Variants in PIP4K2A observed in about 807,000 individuals in gnomAD.
PIP4K2A encodes the protein phosphatidylinositol 5-phosphate 4-kinase type-2 alpha.
Under a neutral mutation model 42.9 loss-of-function variants are expected in PIP4K2A, and 14 were observed. The observed-to-expected ratio is 0.33, with a 90% CI of 0.22 to 0.51. PIP4K2A has a LOEUF of 0.51. PIP4K2A is among the 20% of genes least tolerant of loss of function. The pLI, the probability that PIP4K2A is intolerant of heterozygous loss-of-function variation, is 0.97. For synonymous variants in PIP4K2A, 192 were observed against 192.2 expected (o/e 1.00, Z 0.01); for missense variants, 434 against 519.8 (o/e 0.83, Z 1.61).
intron 1 of PIP4K2A, among the ~76,000 whole-genome samples, chr10:22,623,408 G>A (rs909324821): frequency 6.6e-6 from 1 of 152,164 alleles, no homozygotes; most frequent in Non-Finnish European, 1.5e-5. Context: ...CAGCTCTAAG[G>A]CAAGGGTCGC....
chr10:22,548,168 T>A (rs574450189), intron 7 of PIP4K2A, among the ~76,000 whole-genome samples: 99 of 152,342 alleles, frequency 6.5e-4, no homozygotes, highest in Non-Finnish European at 1.2e-3. Context: ...GCTTAAAAAT[T>A]TAATGATGGT....
chr10:22,594,241 C>G (rs189571571), intron 3 of PIP4K2A, among the ~76,000 whole-genome samples: 2 of 152,118 alleles, frequency 1.3e-5, no homozygotes, highest in African/African-American at 4.8e-5. Context: ...ACAGACTTAC[C>G]GGCACTCATG....
At chr10:22,570,201 C>T (rs1836951642) in intron 5 of PIP4K2A, among the ~76,000 whole-genome samples, 1 of 152,270 alleles carries the variant, frequency 6.6e-6, no homozygotes, top group Non-Finnish European at 1.5e-5. Context: ...ACGCTGGACA[C>T]AATACATATG....
At chr10:22,602,417 AG>A (rs1837808209) in intron 3 of PIP4K2A, among the ~76,000 whole-genome samples, 1 of 151,170 alleles carries the variant, frequency 6.6e-6, no homozygotes, top group African/African-American at 2.5e-5. Context: ...AGAAAAGAAA[AG>A]AAAAGAAAGA....
At chr10:22,561,999 C>T (rs1427914769) in intron 6 of PIP4K2A, among the ~76,000 whole-genome samples, 1 of 152,090 alleles carries the variant, frequency 6.6e-6, no homozygotes, top group Non-Finnish European at 1.5e-5. Flanking sequence ...TGTTTTTAGC[C>T]TTCCCCAAAT....
intron 1 of PIP4K2A, 23 bp downstream of exon 1, chr10:22,714,160 G>C (rs895068306): frequency 2.5e-6 from 4 of 1,591,802 alleles, no homozygotes; most frequent in Non-Finnish European, 3.4e-6. Context: ...GAAGGGGACC[G>C]CGCGCCGCAG....
At chr10:22,608,072 T>C in intron 2 of PIP4K2A, 49 bp from the exon 3 acceptor site, 1 of 1,223,316 alleles carries the variant, frequency 8.2e-7, no homozygotes, top group Non-Finnish European at 1.2e-6. Context: ...TCAATCAGAC[T>C]TGCATCTGCC....
chr10:22,609,854 C>G (rs999311362), intron 1 of PIP4K2A, 137 bp from the exon 2 acceptor site: 8 of 587,438 alleles, frequency 1.4e-5, no homozygotes, highest in South Asian at 2.1e-5. Flanking sequence ...CCCTCCTTCC[C>G]TCTGCCATCA....
intron 1 of PIP4K2A, among the ~76,000 whole-genome samples, chr10:22,692,560 T>C (rs1839894504): frequency 6.6e-6 from 1 of 152,202 alleles, no homozygotes; most frequent in Non-Finnish European, 1.5e-5. Flanking sequence ...GCAGCTAGAT[T>C]CTTCTGTGAA....
intron 3 of PIP4K2A, among the ~76,000 whole-genome samples, chr10:22,601,926 C>T (rs1450471265): frequency 6.6e-6 from 1 of 152,198 alleles, no homozygotes; most frequent in Non-Finnish European, 1.5e-5. Flanking sequence ...GGCTCTTGTC[C>T]TTTGCCACTG....
At chr10:22,586,470 T>C (rs548037063) in intron 4 of PIP4K2A, among the ~76,000 whole-genome samples, 1 of 152,324 alleles carries the variant, frequency 6.6e-6, no homozygotes, top group East Asian at 1.9e-4. Context: ...CACTGAGGTG[T>C]AGGAAATTAA....
intron 6 of PIP4K2A, among the ~76,000 whole-genome samples, chr10:22,559,196 GATC>G (rs1207282592): frequency 1.3e-5 from 2 of 152,196 alleles, no homozygotes; most frequent in Non-Finnish European, 2.9e-5. Flanking sequence ...CCATGTTAAA[GATC>G]ATTATTTAAT....
At chr10:22,582,448 T>C (rs1165794366) in intron 4 of PIP4K2A, among the ~76,000 whole-genome samples, 1 of 152,190 alleles carries the variant, frequency 6.6e-6, no homozygotes, top group African/African-American at 2.4e-5. Flanking sequence ...AATAGATAAA[T>C]ATTTATATCT....
intron 1 of PIP4K2A, among the ~76,000 whole-genome samples, chr10:22,691,037 G>C (rs928562496): frequency 1.3e-5 from 2 of 152,212 alleles, no homozygotes; most frequent in African/African-American, 4.8e-5. Context: ...GACAGAAGAG[G>C]TGGTGGTGTC....
intron 6 of PIP4K2A, among the ~76,000 whole-genome samples, chr10:22,566,714 T>C (rs1419884991): frequency 5.9e-5 from 9 of 152,282 alleles, no homozygotes; most frequent in African/African-American, 1.7e-4. Context: ...CTGCCGCTCT[T>C]CCTCTGACTA....
At chr10:22,540,108 TGTGACAACA>T (rs1189625272) in intron 8 of PIP4K2A, 34 bp from the exon 9 acceptor site, 1 of 1,045,534 alleles carries the variant, frequency 9.6e-7, no homozygotes, top group Non-Finnish European at 1.5e-6. Flanking sequence ...CTGTGGGACA[TGTGACAACA>T]CCAGTGCCAG....
At chr10:22,697,718 T>C (rs139309597) in intron 1 of PIP4K2A, among the ~76,000 whole-genome samples, 132 of 152,076 alleles carry the variant, frequency 8.7e-4, no homozygotes, top group Non-Finnish European at 1.6e-3. Context: ...AGGGCAAAAC[T>C]GCATCTCGGA....
At chr10:22,627,591 T>TAAATAAAAAAAA (rs1838469660) in intron 1 of PIP4K2A, among the ~76,000 whole-genome samples, 1 of 56,994 alleles carries the variant, frequency 1.8e-5, no homozygotes, top group South Asian at 8.2e-4. Context: ...TAATATGTAA[T>TAAATAAAAAAAA]AAAAAAAAAA....
At chr10:22,660,366 G>A (rs1839181221) in intron 1 of PIP4K2A, among the ~76,000 whole-genome samples, 1 of 152,142 alleles carries the variant, frequency 6.6e-6, no homozygotes, top group African/African-American at 2.4e-5. Flanking sequence ...AGCTACTTGG[G>A]AGGCTGAGGC....
Sources: gnomAD v4.1 joint callset for allele counts (sites outside exome capture counted in the v4.1 genomes callset) on GRCh38, gnomAD v4.1.1 for gene constraint, MANE v1.5 for transcripts, NCBI Gene and HGNC (gene_info 2026-07-23, HGNC 2026-07-21) for gene names.